Variants in SHROOM4 observed in about 807,000 individuals in gnomAD.
The protein encoded by SHROOM4 is shroom family member 4.
In SHROOM4, 17 loss-of-function variants were observed where a neutral mutation model predicts 80.3. The observed-to-expected ratio is 0.21, with a 90% confidence interval of 0.14 to 0.32. The LOEUF (loss-of-function observed/expected upper bound fraction) is 0.32. SHROOM4 is among the 10% of genes least tolerant of loss of function. SHROOM4 has a pLI of 1.00. For missense variants in SHROOM4, 993 were observed against 1,140.3 expected (o/e 0.87, Z 1.86); for synonymous variants, 400 against 437.5 (o/e 0.91, Z 1.07).
intron 2 of SHROOM4, among the ~76,000 whole-genome samples, chrX:50,670,957 T>G (rs1932792558): frequency 1.8e-5 from 2 of 111,809 alleles, no homozygotes; most frequent in Admixed American, 1.9e-4. Flanking sequence ...TGATAAATAA[T>G]AAGACTTGAA....
chrX:50,646,524 A>AAG (rs1491139079), intron 2 of SHROOM4, among the ~76,000 whole-genome samples: 3 of 50,096 alleles, frequency 6.0e-5, no homozygotes, highest in African/African-American at 2.0e-4. Flanking sequence ...CCAAGGGGGG[A>AAG]AGAGTGTGTG....
intron 2 of SHROOM4, among the ~76,000 whole-genome samples, chrX:50,662,977 G>T (rs1376654322): frequency 2.7e-5 from 3 of 111,443 alleles, no homozygotes; most frequent in African/African-American, 9.8e-5. Flanking sequence ...TGAAGGAAAA[G>T]AAATTGGTAG....
At chrX:50,782,647 C>T (rs969308428) in intron 1 of SHROOM4, among the ~76,000 whole-genome samples, 1 of 111,566 alleles carries the variant, frequency 9.0e-6, no homozygotes, top group Non-Finnish European at 1.9e-5. Context: ...TACATACAAT[C>T]GATACACACA....
chrX:50,781,465 C>A (rs1415688818), intron 1 of SHROOM4, among the ~76,000 whole-genome samples: 1 of 111,270 alleles, frequency 9.0e-6, no homozygotes, highest in Non-Finnish European at 1.9e-5. Flanking sequence ...CGCATATATG[C>A]TGAGACCAAG....
intron 2 of SHROOM4, among the ~76,000 whole-genome samples, chrX:50,648,174 A>G (rs969296682): frequency 1.8e-5 from 2 of 111,833 alleles, no homozygotes; most frequent in Admixed American, 9.5e-5. Flanking sequence ...TTGTTCTAGG[A>G]AAGTAGCAGT....
At chrX:50,627,590 C>T (rs185655101) in intron 5 of SHROOM4, 24 bp downstream of exon 5, 4 of 1,196,538 alleles carry the variant, frequency 3.3e-6, no homozygotes, top group African/African-American at 3.5e-5. Flanking sequence ...CCAACCCACC[C>T]CAACTCCCTG....
At chrX:50,707,940 C>A (rs1933719496) in intron 1 of SHROOM4, among the ~76,000 whole-genome samples, 2 of 111,491 alleles carry the variant, frequency 1.8e-5, no homozygotes, top group South Asian at 7.6e-4. Flanking sequence ...GGCCCTGGAC[C>A]CACCCTGCAG....
chrX:50,736,942 T>A (rs782635925), intron 1 of SHROOM4, among the ~76,000 whole-genome samples: 1 of 112,321 alleles, frequency 8.9e-6, no homozygotes, highest in Non-Finnish European at 1.9e-5. Flanking sequence ...TTGCAAAATG[T>A]ACTTTGGAAA....
At chrX:50,577,636 G>T in the SHROOM4 span, among the ~76,000 whole-genome samples, 1 of 111,980 alleles carries the variant, frequency 8.9e-6, no homozygotes, top group Non-Finnish European at 1.9e-5. Flanking sequence ...TTTAAGGAAA[G>T]CTTTAAAAGT....
At chrX:50,670,129 C>T (rs1424316585) in intron 2 of SHROOM4, among the ~76,000 whole-genome samples, 5 of 109,688 alleles carry the variant, frequency 4.6e-5, no homozygotes, top group African/African-American at 1.7e-4. Flanking sequence ...TATTATTATA[C>T]TTTAAGTTCT....
chrX:50,606,019 A>G (rs1557248427), intron 6 of SHROOM4, among the ~76,000 whole-genome samples: 1 of 111,238 alleles, frequency 9.0e-6, no homozygotes, highest in Non-Finnish European at 1.9e-5. Context: ...TACAATGAGA[A>G]TGCTCCCCAG....
chrX:50,589,034 T>C lies in SHROOM4; in HGVS notation c.*7661A>G, dbSNP rs2147192092. On this transcript the variant is annotated 3_prime_UTR_variant, in exon 9 of 9. Coordinates refer to ENST00000376020, the MANE Select transcript of SHROOM4 (RefSeq NM_020717.5). ...TAGAAATATTGCCCCTCCTTCCCAA[T>C]AGTAGTCCCTCCCATCTCTCTTATT... 8.9e-6 allele frequency among the ~76,000 whole-genome samples: 1 copy of C among 111,911 alleles called. No homozygotes were observed. The highest frequency in any genetic ancestry group is 2.8e-4 in the East Asian group (1 of 3,529).
At chrX:50,687,655 A>G (rs937590260) in intron 2 of SHROOM4, among the ~76,000 whole-genome samples, 6 of 111,285 alleles carry the variant, frequency 5.4e-5, no homozygotes, top group Non-Finnish European at 9.4e-5. Context: ...AGGCTCAAAG[A>G]TATGGCAGTT....
At chrX:50,694,737 G>A (rs782619713) in intron 2 of SHROOM4, among the ~76,000 whole-genome samples, 108 of 107,958 alleles carry the variant, frequency 1.0e-3, no homozygotes, top group Non-Finnish European at 1.9e-3. Flanking sequence ...AGTAGTTTCA[G>A]TGGAGTTCTG....
chrX:50,726,773 C>G (rs1156617466), intron 1 of SHROOM4, among the ~76,000 whole-genome samples: 2 of 113,024 alleles, frequency 1.8e-5, no homozygotes, highest in African/African-American at 6.4e-5. Context: ...AATTCTGCTG[C>G]AGGGCAGAGG....
At chrX:50,625,766 A>T (rs782636274) in intron 5 of SHROOM4, among the ~76,000 whole-genome samples, 2 of 111,349 alleles carry the variant, frequency 1.8e-5, no homozygotes, top group East Asian at 5.7e-4. Context: ...AAAGGGCCAC[A>T]TTTATCATAT....
chrX:50,643,878 G>A (rs781816601), intron 2 of SHROOM4, among the ~76,000 whole-genome samples: 10 of 112,708 alleles, frequency 8.9e-5, no homozygotes, highest in African/African-American at 1.6e-4. Context: ...AAAAATACAC[G>A]TAAGTGAGAG....
At chrX:50,619,501 C>CT (rs35354635) in intron 5 of SHROOM4, among the ~76,000 whole-genome samples, 41,331 of 110,399 alleles carry the variant, frequency 0.37, 5,759 homozygotes, top group African/African-American at 0.46. Flanking sequence ...TGCTTGCCCC[C>CT]GGGCCCACAG....
Position 50,634,819 on chromosome X carries a change from T to A in SHROOM4, c.1254A>T (p.Ala418=). 8.3e-7 allele frequency: 1 copy of A among 1,210,659 alleles called. No individual in the cohort carries two copies. The highest frequency in any genetic ancestry group is 1.1e-6 in the Non-Finnish European group (1 of 894,881). Reference sequence around the variant, plus strand: ...CAAGGTGCACATGCTGCAGGTGGGATGCCAGCAGCTGTTCAGGGGCACTAT... The same window carrying A: ...CAAGGTGCACATGCTGCAGGTGGGAAGCCAGCAGCTGTTCAGGGGCACTAT... ...HRHSAPEQLL[A]SHLQHVHLDT... Residue 418 remains alanine (A), a synonymous_variant, in exon 4 of 9, where the codon GCA becomes GCT. Transcript: ENST00000376020.
Sources: allele counts gnomAD v4.1 joint callset (sites outside exome capture counted in the v4.1 genomes callset), GRCh38; gene constraint gnomAD v4.1.1; transcripts MANE v1.5; gene names NCBI Gene and HGNC (gene_info 2026-07-23, HGNC 2026-07-21).